The following PCTP variants were observed in gnomAD, a reference collection of about 807,000 sequenced individuals.
PCTP encodes the protein phosphatidylcholine transfer protein.
PCTP carries 27 observed loss-of-function variants against 31.0 expected under a neutral mutation model. That is an observed-to-expected ratio of 0.87 (90% CI 0.64 to 1.20). The LOEUF is 1.20. Ranked by LOEUF, PCTP falls within the 50% of genes most tolerant of loss-of-function variation. The pLI is 0.00. For synonymous variants in PCTP, 108 were observed against 101.2 expected, an observed-to-expected ratio of 1.07 and a Z score of -0.40; for missense variants, 287 against 268.2, an observed-to-expected ratio of 1.07 and a Z score of -0.49.
chr17:55,847,144 G>T (rs995487974), downstream of PCTP, among the ~76,000 whole-genome samples: 3 of 152,134 alleles, frequency 2.0e-5, no homozygotes, highest in African/African-American at 7.2e-5. Flanking sequence ...GAACAACAAA[G>T]AACAAACCTA....
intron 3 of PCTP, among the ~76,000 whole-genome samples, chr17:55,819,816 T>C (rs1057405068): frequency 3.3e-5 from 5 of 152,166 alleles, no homozygotes; most frequent in South Asian, 4.1e-4. Context: ...GGCATGAGGA[T>C]TGATATATAA....
chr17:55,826,306 T>C (rs907872727), downstream of PCTP, among the ~76,000 whole-genome samples: 7 of 152,140 alleles, frequency 4.6e-5, no homozygotes, highest in African/African-American at 1.7e-4. Context: ...TACTTGAGTG[T>C]AAAGGCTTAG....
chr17:55,764,818 C>T (rs1169534045), intron 1 of PCTP, among the ~76,000 whole-genome samples: 8 of 152,162 alleles, frequency 5.3e-5, no homozygotes, highest in Non-Finnish European at 1.0e-4. Flanking sequence ...ACGGCCTTAG[C>T]ACATGGATGC....
chr17:55,773,939 C>G (rs1368136023), intron 4 of PCTP, 44 bp downstream of exon 4: 1 of 1,537,054 alleles, frequency 6.5e-7, no homozygotes, highest in African/African-American at 1.4e-5. Context: ...CAGGGGTCCC[C>G]CACGGGAGGG....
At chr17:55,839,941 A>AAAAAAAAAAAC in intron 5 of PCTP, among the ~76,000 whole-genome samples, 1 of 150,492 alleles carries the variant, frequency 6.6e-6, no homozygotes, top group Non-Finnish European at 1.5e-5. Flanking sequence ...AAAAAAAAAA[A>AAAAAAAAAAAC]AAAAAACAAC....
intron 3 of PCTP, among the ~76,000 whole-genome samples, chr17:55,794,699 A>C (rs1912125211): frequency 1.3e-5 from 2 of 152,098 alleles, no homozygotes; most frequent in Admixed American, 1.3e-4. Flanking sequence ...ACCTAAAAGC[A>C]TAAGTCACAT....
At chr17:55,841,075 G>T (rs140614005) in intron 5 of PCTP, among the ~76,000 whole-genome samples, 1 of 152,188 alleles carries the variant, frequency 6.6e-6, no homozygotes, top group Non-Finnish European at 1.5e-5. Flanking sequence ...TAATTGATAC[G>T]TATGTGTATG....
rs531658207 is a variant in PCTP, at chr17:55,770,149, A to G, written c.260-957A>G. ...GTGCATGCCATTAAATTTCTTTGCTATCTCCCTCCAAGAGTTGGCTGCTGT... is the reference window on the plus strand; with the variant it reads ...GTGCATGCCATTAAATTTCTTTGCTGTCTCCCTCCAAGAGTTGGCTGCTGT... On this transcript the variant is annotated intron_variant, in intron 2 of 5. Coordinates refer to ENST00000268896, the MANE Select transcript of PCTP (RefSeq NM_021213.4). The G allele has an allele frequency of 4.6e-5, 7 of 152,360 alleles. No individual in the cohort carries two copies. The East Asian group carries it at 9.6e-4, about 21-fold the overall frequency. 9.4% of individuals were successfully genotyped at this position (152,360 alleles called of 1,614,324 possible).
intron 3 of PCTP, among the ~76,000 whole-genome samples, chr17:55,803,117 A>C (rs1250779243): frequency 6.6e-6 from 1 of 152,180 alleles, no homozygotes; most frequent in Non-Finnish European, 1.5e-5. Context: ...CAATTGCTAC[A>C]AAGAGAATAA....
chr17:55,827,038 C>CA (rs33976207), downstream of PCTP, among the ~76,000 whole-genome samples: 17,113 of 134,748 alleles, frequency 0.13, 2,147 homozygotes, highest in African/African-American at 0.33. Context: ...GGTAAACAGC[C>CA]AAAAAAAAAA....
intron 1 of PCTP, among the ~76,000 whole-genome samples, chr17:55,767,070 G>A (rs1910703730): frequency 6.6e-6 from 1 of 152,196 alleles, no homozygotes; most frequent in Admixed American, 6.5e-5. Context: ...CTTTTGAGAA[G>A]TATCTGTTCT....
chr17:55,844,105 C>A (rs1271097636), downstream of PCTP, among the ~76,000 whole-genome samples: 1 of 152,186 alleles, frequency 6.6e-6, no homozygotes, highest in African/African-American at 2.4e-5. Context: ...AACGCTACAT[C>A]CCCACTGTCT....
downstream of PCTP, among the ~76,000 whole-genome samples, chr17:55,824,851 T>C (rs1255215475): frequency 6.6e-6 from 1 of 152,210 alleles, no homozygotes; most frequent in Non-Finnish European, 1.5e-5. Flanking sequence ...GTATAGACTT[T>C]ATAACACTGC....
chr17:55,808,193 A>T (rs746440535), intron 3 of PCTP, among the ~76,000 whole-genome samples: 1 of 152,234 alleles, frequency 6.6e-6, no homozygotes, highest in Non-Finnish European at 1.5e-5. Context: ...TTGGAACCCA[A>T]GTCTTCAAGT....
rs1340925562 is a variant in PCTP, at chr17:55,771,208, A to G, written c.339+23A>G. 11 of 1,560,746 alleles carry G rather than the reference A, an allele frequency of 7.0e-6. No individual in the cohort carries two copies. In the Admixed American group the frequency reaches 1.8e-4, roughly 26 times the overall value. ...GACGTATCCTTTCCACAAGGTACTC[A>G]TTCCCTGGCCCTCTAAGTGTTTCTG... On this transcript the variant is annotated intron_variant, in intron 3 of 5. Coordinates refer to ENST00000268896, the MANE Select transcript of PCTP (RefSeq NM_021213.4).
intron 3 of PCTP, among the ~76,000 whole-genome samples, chr17:55,822,152 G>A (rs1265718614): frequency 6.6e-6 from 1 of 152,156 alleles, no homozygotes; most frequent in Admixed American, 6.5e-5. Context: ...ACGTGAGAAG[G>A]AAGGTGTTAA....
At chr17:55,847,837 G>T in the PCTP span, among the ~76,000 whole-genome samples, 1 of 152,154 alleles carries the variant, frequency 6.6e-6, no homozygotes, top group African/African-American at 2.4e-5. Context: ...TAAAACAGAG[G>T]GCAATCTACT....
intron 1 of PCTP, among the ~76,000 whole-genome samples, chr17:55,760,268 AT>A (rs1406721551): frequency 1.3e-5 from 2 of 152,208 alleles, no homozygotes; most frequent in Non-Finnish European, 2.9e-5. Flanking sequence ...GAAAATGTAC[AT>A]TACAGTTCTG....
intron 3 of PCTP, among the ~76,000 whole-genome samples, chr17:55,817,713 T>C: frequency 6.6e-6 from 1 of 152,206 alleles, no homozygotes; most frequent in Non-Finnish European, 1.5e-5. Flanking sequence ...TTGCACTCCT[T>C]GGTTTAGAAT....
Sources: gnomAD v4.1 joint callset for allele counts (sites outside exome capture counted in the v4.1 genomes callset) on GRCh38, gnomAD v4.1.1 for gene constraint, MANE v1.5 for transcripts, NCBI Gene and HGNC (gene_info 2026-07-23, HGNC 2026-07-21) for gene names.